Variants in EYA2 observed in about 807,000 individuals in gnomAD.
The protein encoded by EYA2 is protein phosphatase EYA2.
EYA2 carries 31 observed loss-of-function variants against 69.2 expected under a neutral mutation model. The ratio of observed to expected loss-of-function variants is 0.45; its 90% CI spans 0.34 to 0.60. EYA2 has a LOEUF of 0.60. EYA2 is among the 20% of genes least tolerant of loss of function. The probability of loss-of-function intolerance (pLI) is 0.02; values close to 1 mark genes in which losing one functional copy is unlikely to be tolerated. For synonymous variants in EYA2, 257 were observed against 279.4 expected (o/e 0.92, Z 0.80); for missense variants, 622 against 701.2 (o/e 0.89, Z 1.28).
At chr20:46,999,401 C>T (rs2146342239) in intron 2 of EYA2, among the ~76,000 whole-genome samples, 1 of 152,222 alleles carries the variant, frequency 6.6e-6, no homozygotes, top group South Asian at 2.1e-4. Context: ...TGAGTGAGCA[C>T]CTACTGTGTG....
chr20:47,181,023 T>G, intron 14 of EYA2, 87 bp downstream of exon 14: 1 of 1,531,184 alleles, frequency 6.5e-7, no homozygotes, highest in Non-Finnish European at 8.8e-7. Context: ...TTAAGGAACA[T>G]GACACCACAG....
At position 47,126,034 on chromosome 20, in the gene EYA2, A is replaced by G. The variant is rs187307147; in HGVS notation, c.889-17025A>G. 5.3e-3 allele frequency among the ~76,000 whole-genome samples: 808 copies of G among 152,278 alleles called. 7 individuals carry two copies. Among genetic ancestry groups the G allele is most frequent in the Middle Eastern group, 0.01 (3 of 294 alleles). On this transcript the variant is annotated intron_variant, in intron 9 of 15. Transcript: ENST00000327619. ...GCAGCAAGCTGCCTGTATTTTTGAG[A>G]CATCTCCAGAGAGGGCAGGTCTGCA...
At chr20:47,003,158 A>C (rs1180419787) in intron 3 of EYA2, among the ~76,000 whole-genome samples, 1 of 152,162 alleles carries the variant, frequency 6.6e-6, no homozygotes, top group East Asian at 1.9e-4. Context: ...GGAGGGGTTG[A>C]GGGTGTGGCC....
rs145695225 is a variant in EYA2 at position 47,169,630 on chromosome 20, CAG to C, written c.1037+435_1037+436del. ...GCTTACTGAAGTAATGCATGCATAA[CAG>C]AAAAAATTCAAACACTTAACCTGAC... is the stretch of plus-strand genomic sequence containing the variant. On this transcript the variant is annotated intron_variant, in intron 11 of 15. Coordinates refer to ENST00000327619, the MANE Select transcript of EYA2 (RefSeq NM_005244.5). 3.8e-3 allele frequency among the ~76,000 whole-genome samples: 573 copies of C among 152,290 alleles called. 3 individuals carry two copies. The highest frequency in any genetic ancestry group is 0.013 in the African/African-American group (547 of 41,544).
chr20:47,121,217 G>T (rs2033035535), intron 9 of EYA2, among the ~76,000 whole-genome samples: 1 of 152,056 alleles, frequency 6.6e-6, no homozygotes, highest in African/African-American at 2.4e-5. Flanking sequence ...TCAGCCTGCG[G>T]AGTAGCTGGG....
intron 3 of EYA2, among the ~76,000 whole-genome samples, chr20:47,003,440 A>C (rs185664398): frequency 6.6e-6 from 1 of 152,356 alleles, no homozygotes; most frequent in Admixed American, 6.5e-5. Context: ...TTCGGTCTCA[A>C]GAGGTGGCTG....
intron 8 of EYA2, among the ~76,000 whole-genome samples, chr20:47,096,607 T>C (rs916379546): frequency 6.6e-6 from 1 of 152,234 alleles, no homozygotes; most frequent in Non-Finnish European, 1.5e-5. Flanking sequence ...CCCTCATCTT[T>C]TAAGACTGCC....
chr20:47,069,334 A>G (rs998032689), intron 5 of EYA2, among the ~76,000 whole-genome samples: 3 of 152,148 alleles, frequency 2.0e-5, no homozygotes, highest in Admixed American at 2.0e-4. Flanking sequence ...TCTCTACTAA[A>G]AATACAAAAA....
intron 10 of EYA2, chr20:47,160,842 G>A (rs966798779): frequency 3.2e-5 from 8 of 246,904 alleles, no homozygotes; most frequent in African/African-American, 1.6e-4. Flanking sequence ...AAAACCCTAT[G>A]TTGTAGCCAC....
chr20:46,993,967 T>C (rs1465098168), intron 2 of EYA2, among the ~76,000 whole-genome samples: 1 of 152,228 alleles, frequency 6.6e-6, no homozygotes, highest in Non-Finnish European at 1.5e-5. Context: ...CAAACATATG[T>C]ACATATGCAT....
intron 10 of EYA2, among the ~76,000 whole-genome samples, chr20:47,146,405 C>T (rs1455500280): frequency 1.3e-5 from 2 of 152,216 alleles, no homozygotes; most frequent in Non-Finnish European, 2.9e-5. Context: ...TCTTGCCCCA[C>T]TCTGCTGTTT....
intron 10 of EYA2, among the ~76,000 whole-genome samples, chr20:47,159,888 G>C (rs914930240): frequency 1.3e-5 from 2 of 152,042 alleles, no homozygotes; most frequent in Admixed American, 1.3e-4. Flanking sequence ...TACTTGGGAG[G>C]CTGAGGCAGG....
At chr20:47,021,847 A>C (rs1983770415) in intron 5 of EYA2, among the ~76,000 whole-genome samples, 1 of 152,076 alleles carries the variant, frequency 6.6e-6, no homozygotes, top group African/African-American at 2.4e-5. Flanking sequence ...GACCTCCGAG[A>C]CTGGATTGTG....
chr20:47,083,960 G>A (rs1430560279), intron 7 of EYA2, among the ~76,000 whole-genome samples: 1 of 152,110 alleles, frequency 6.6e-6, no homozygotes, highest in African/African-American at 2.4e-5. Flanking sequence ...AAAGAAATGG[G>A]CAGGGCCAGG....
At chr20:46,918,905 C>CT (rs1282332335) in intron 1 of EYA2, among the ~76,000 whole-genome samples, 1 of 152,214 alleles carries the variant, frequency 6.6e-6, no homozygotes, top group Non-Finnish European at 1.5e-5. Flanking sequence ...GATCCATGGG[C>CT]TGCAGAATGG....
rs142980041 is a variant in EYA2 at position 46,898,509 on chromosome 20, C to T, written c.-11+3522C>T. 1.3e-4 allele frequency among the ~76,000 whole-genome samples: 20 copies of T among 152,142 alleles called. No individual in the cohort carries two copies. In the East Asian group the frequency reaches 3.9e-3, roughly 29 times the overall value. On this transcript the variant is annotated intron_variant, in intron 1 of 15. Transcript: ENST00000327619. Reference sequence around the variant, plus strand: ...AGCTTCCTGAATGGCCCACTTCTCCCCACTATCATTTGTGGCAGTTCAAAC... The same window carrying T: ...AGCTTCCTGAATGGCCCACTTCTCCTCACTATCATTTGTGGCAGTTCAAAC...
chr20:47,070,385 G>A (rs1279321584), intron 5 of EYA2, among the ~76,000 whole-genome samples: 2 of 152,208 alleles, frequency 1.3e-5, no homozygotes, highest in African/African-American at 2.4e-5. Flanking sequence ...CTGTAATCAA[G>A]AAGACTGAAA....
chr20:46,995,430 G>A (rs377278536), intron 2 of EYA2, among the ~76,000 whole-genome samples: 71 of 152,108 alleles, frequency 4.7e-4, no homozygotes, highest in African/African-American at 7.0e-4. Context: ...GGCACCTCCC[G>A]CAAGAGACAA....
intron 4 of EYA2, 34 bp downstream of exon 4, chr20:47,005,118 A>C (rs780721887): frequency 1.9e-6 from 3 of 1,605,476 alleles, no homozygotes; most frequent in Non-Finnish European, 1.7e-6. Context: ...TCTCCTCCTC[A>C]GGTCCCCAAA....
Sources: gnomAD v4.1 joint callset for allele counts (sites outside exome capture counted in the v4.1 genomes callset) on GRCh38, gnomAD v4.1.1 for gene constraint, MANE v1.5 for transcripts, NCBI Gene and HGNC (gene_info 2026-07-23, HGNC 2026-07-21) for gene names.